ZC3H8: variants seen among roughly 807,000 people sequenced by gnomAD.
ZC3H8 encodes zinc finger CCCH domain-containing protein 8.
Under a neutral mutation model 42.5 loss-of-function variants are expected in ZC3H8, and 27 were observed. The observed-to-expected ratio is 0.64, with a 90% CI of 0.47 to 0.88. The LOEUF (loss-of-function observed/expected upper bound fraction) is 0.88. Ranked by LOEUF, ZC3H8 falls within the 40% of genes least tolerant of loss-of-function variation. ZC3H8 has a pLI of 0.00. For missense variants in ZC3H8, 277 were observed against 336.1 expected, an observed-to-expected ratio of 0.82 and a Z score of 1.37; for synonymous variants, 101 against 110.1, an observed-to-expected ratio of 0.92 and a Z score of 0.52.
chr2:112,228,552 A>C (rs955778883), intron 8 of ZC3H8, among the ~76,000 whole-genome samples: 2 of 152,120 alleles, frequency 1.3e-5, no homozygotes, highest in African/African-American at 4.8e-5. Context: ...TGTAAAAAAA[A>C]GTTTTGCCCT....
chr2:112,238,518 G>A lies in ZC3H8; in HGVS notation c.167C>T (p.Ser56Phe). The change falls in exon 3 of 9, where the codon TCT (serine) becomes TTT (phenylalanine). Residue 56 changes from serine to phenylalanine, a missense_variant. Coordinates refer to ENST00000409573, the MANE Select transcript of ZC3H8 (RefSeq NM_032494.3). ...CEQIPKKFRH[S>F]AISPKSSLHR... ...CAGCGAACTTTTTGGTGATATTGCA[G>A]AGTGTCTAAACTAAGTAAAAATTAA... 1 of 1,609,354 alleles carries A rather than the reference G, an allele frequency of 6.2e-7. No homozygotes were observed. The highest frequency in any genetic ancestry group is 8.5e-7 in the Non-Finnish European group (1 of 1,179,422).
intron 7 of ZC3H8, among the ~76,000 whole-genome samples, chr2:112,231,577 A>T (rs1420012169): frequency 6.6e-6 from 1 of 152,198 alleles, no homozygotes; most frequent in Non-Finnish European, 1.5e-5. Flanking sequence ...AGCTTAGCTT[A>T]GCTATTAAAA....
At chr2:112,232,463 G>C (rs1685139068) in intron 6 of ZC3H8, among the ~76,000 whole-genome samples, 1 of 152,012 alleles carries the variant, frequency 6.6e-6, no homozygotes, top group African/African-American at 2.4e-5. Context: ...GCTATGACAG[G>C]ACATTTTTTT....
At chr2:112,218,811 T>C (rs780728588) in intron 8 of ZC3H8, among the ~76,000 whole-genome samples, 8 of 152,196 alleles carry the variant, frequency 5.3e-5, no homozygotes, top group Non-Finnish European at 1.0e-4. Flanking sequence ...TGACTGCATC[T>C]ATATATGCAG....
intron 4 of ZC3H8, among the ~76,000 whole-genome samples, chr2:112,236,033 G>C (rs180761350): frequency 2.6e-5 from 4 of 152,026 alleles, no homozygotes; most frequent in Admixed American, 2.0e-4. Context: ...GGGAGCCGAG[G>C]CAGGTGGATC....
chr2:112,213,774 T>TA lies in ZC3H8; in HGVS notation c.*2709_*2710insT, dbSNP rs1684222938. The TA allele has an allele frequency of 7.4e-5, 1 of 13,496 alleles. No homozygotes were observed. Among genetic ancestry groups the TA allele is most frequent in the African/African-American group, 3.8e-4 (1 of 2,644 alleles). 0.8% of individuals were successfully genotyped at this position (13,496 alleles called of 1,614,324 possible). A position where few individuals can be genotyped will look rare whatever the true frequency, so the allele number is the denominator to read the frequency against. ...CTGGGCGACAGAGCGAGACTCCGTC[T>TA]CAAAAAAAAAAAAAAAAAAAAAAAA... On this transcript the variant is annotated 3_prime_UTR_variant, in exon 9 of 9. Coordinates refer to ENST00000409573, the MANE Select transcript of ZC3H8 (RefSeq NM_032494.3).
rs766836197 is a variant in ZC3H8 at position 112,231,912 on chromosome 2, T to G, written c.769A>C (p.Lys257Gln). The stretch of plus-strand genomic sequence containing the variant: ...TTGCAGTATTCTCCCTGATAACATT[T>G]TGTTCCTGTATGGTAAAACTTACAA... ...YPCKFYHTGT[K>Q]CYQGEYCKFS... Residue 257 changes from lysine to glutamine, a missense_variant, in exon 7 of 9, where the codon AAA becomes CAA. By Grantham distance (53) the Lys-to-Gln change is moderately conservative. Transcript: ENST00000409573. The G allele has an allele frequency of 6.3e-7, 1 of 1,587,224 alleles. No homozygotes were observed. Among genetic ancestry groups the G allele is most frequent in the East Asian group, 2.3e-5 (1 of 44,214 alleles).
In ZC3H8 at chr2:112,212,186, G is replaced by T. The variant is rs1258788782; in HGVS notation, c.*4298C>A. 3 of 152,248 alleles carry T rather than the reference G, an allele frequency of 2.0e-5. No homozygotes were observed. The highest frequency in any genetic ancestry group is 4.4e-5 in the Non-Finnish European group (3 of 68,086). The allele number at this position is 152,248 out of a possible 1,614,324, so 9.4% of individuals were successfully genotyped here. ...TGCCGTGTCCTCACATGGTGGAAAA[G>T]GGAGACAGCTCCCCAGGGCCTCTTT... On this transcript the variant is annotated 3_prime_UTR_variant, in exon 9 of 9. Coordinates refer to ENST00000409573, the MANE Select transcript of ZC3H8 (RefSeq NM_032494.3).
chr2:112,219,241 A>T (rs1240213141), intron 8 of ZC3H8, among the ~76,000 whole-genome samples: 1 of 152,188 alleles, frequency 6.6e-6, no homozygotes, highest in Non-Finnish European at 1.5e-5. Flanking sequence ...AGATAGACAT[A>T]TAGAGCACTG....
Position 112,238,372 on chromosome 2 carries a change from T to G in ZC3H8, c.313A>C (p.Asn105His), listed in dbSNP as rs775152361. 6.2e-6 allele frequency: 10 copies of G among 1,613,700 alleles called. No homozygotes were observed. The African/African-American group carries it at 6.7e-5, about 11-fold the overall frequency. Residue 105 changes from asparagine (N) to histidine (H), a missense_variant, in exon 3 of 9, where the codon AAT becomes CAT. Physicochemically the swap from Asn to His is moderately conservative, Grantham distance 68. Transcript: ENST00000409573. ...GTAGATTCTTCAGGTTGAGCAGCAT[T>G]TGCCATTTCTCTGGCTTGTATGTAC... ...QQYIQAREMA[N>H]AAQPEESTKK...
chr2:112,234,347 T>C (rs1448297237), intron 4 of ZC3H8, 111 bp from the exon 5 acceptor site: 1 of 769,394 alleles, frequency 1.3e-6, no homozygotes. Context: ...GTGACTCTTC[T>C]AAATTGGCCT....
At position 112,235,911 on chromosome 2, in the gene ZC3H8, TCC is replaced by T. The variant is rs529225468; in HGVS notation, c.504+649_504+650del. Reference sequence around the variant, plus strand: ...TGATCTTCTCTGGGCTTCCCATTTTTCCCGAGTCATTGATAGTATAACACTAA... The same window carrying T: ...TGATCTTCTCTGGGCTTCCCATTTTTCGAGTCATTGATAGTATAACACTAA... On this transcript the variant is annotated intron_variant, in intron 4 of 8. Coordinates refer to ENST00000409573, the MANE Select transcript of ZC3H8 (RefSeq NM_032494.3). 3.1e-4 allele frequency among the ~76,000 whole-genome samples: 46 copies of T among 146,074 alleles called. 1 individual carries two copies. In the South Asian group the frequency reaches 9.9e-3, roughly 32 times the overall value.
chr2:112,252,691 C>A (rs1685991633), intron 1 of ZC3H8, among the ~76,000 whole-genome samples: 1 of 152,152 alleles, frequency 6.6e-6, no homozygotes, highest in Non-Finnish European at 1.5e-5. Flanking sequence ...CTCCCCTAAC[C>A]CAATCACACC....
intron 2 of ZC3H8, among the ~76,000 whole-genome samples, chr2:112,244,753 A>G (rs1199896780): frequency 6.6e-6 from 1 of 152,224 alleles, no homozygotes; most frequent in Non-Finnish European, 1.5e-5. Context: ...AGGGGGTGCC[A>G]TGAACCATGC....
chr2:112,226,589 C>CAAAAAAAA (rs549996878), intron 8 of ZC3H8, among the ~76,000 whole-genome samples: 2,127 of 74,062 alleles, frequency 0.029, 487 homozygotes, highest in African/African-American at 0.094. Context: ...GACTCCATCT[C>CAAAAAAAA]AAAAAAAAAA....
At chr2:112,220,248 G>A (rs1395813614) in intron 8 of ZC3H8, among the ~76,000 whole-genome samples, 1 of 152,154 alleles carries the variant, frequency 6.6e-6, no homozygotes, top group Non-Finnish European at 1.5e-5. Flanking sequence ...AGTGTCACTG[G>A]CCTATGTACT....
At chr2:112,251,400 C>A (rs1685941770) in intron 1 of ZC3H8, among the ~76,000 whole-genome samples, 1 of 152,204 alleles carries the variant, frequency 6.6e-6, no homozygotes, top group Admixed American at 6.5e-5. Context: ...GAGCCTGCTA[C>A]AGAAGCCACC....
intron 8 of ZC3H8, among the ~76,000 whole-genome samples, chr2:112,221,735 A>C (rs975294694): frequency 6.6e-6 from 1 of 151,960 alleles, no homozygotes; most frequent in Non-Finnish European, 1.5e-5. Context: ...TCTTTCTTAT[A>C]ATGGTCATTT....
chr2:112,234,072 A>C (rs1685212645), intron 5 of ZC3H8, 48 bp downstream of exon 5: 5 of 1,072,364 alleles, frequency 4.7e-6, no homozygotes, highest in Non-Finnish European at 6.7e-6. Flanking sequence ...ATCAAACAGA[A>C]AGAGCAGTTT....
Sources: allele counts gnomAD v4.1 joint callset (sites outside exome capture counted in the v4.1 genomes callset), GRCh38; gene constraint gnomAD v4.1.1; transcripts MANE v1.5; gene names NCBI Gene and HGNC (gene_info 2026-07-23, HGNC 2026-07-21).